PCDH15: variants seen among roughly 807,000 people sequenced by gnomAD.
The protein encoded by PCDH15 is protocadherin-15.
PCDH15 carries 129 observed loss-of-function variants against 178.5 expected under a neutral mutation model. The observed-to-expected ratio is 0.72, with a 90% CI of 0.63 to 0.84. The LOEUF (loss-of-function observed/expected upper bound fraction) is 0.84, where lower values mean the gene tolerates loss of function less well. Among genes scored for constraint, PCDH15 ranks in the 40% least tolerant of loss-of-function variants. The pLI, the probability that PCDH15 is intolerant of heterozygous loss-of-function variation, is 0.00. For synonymous variants in PCDH15, 800 were observed against 732.0 expected (o/e 1.09, Z -1.50); for missense variants, 2,230 against 2,099.9 (o/e 1.06, Z -1.21).
chr10:54,014,281 C>T (rs758086675), intron 20 of PCDH15, among the ~76,000 whole-genome samples: 3 of 152,030 alleles, frequency 2.0e-5, no homozygotes, highest in Non-Finnish European at 4.4e-5. Flanking sequence ...AAATAAAGAG[C>T]CTACCAACTA....
intron 2 of PCDH15, among the ~76,000 whole-genome samples, chr10:55,528,561 A>C (rs997970685): frequency 1.3e-5 from 2 of 152,098 alleles, no homozygotes; most frequent in African/African-American, 2.4e-5. Context: ...TGAACTCATC[A>C]TTTTTTATGG....
chr10:53,933,335 C>A (rs1310931730), intron 25 of PCDH15, among the ~76,000 whole-genome samples: 1 of 151,702 alleles, frequency 6.6e-6, no homozygotes, highest in Non-Finnish European at 1.5e-5. Flanking sequence ...TTCCCCCACC[C>A]CACAACAGTC....
intron 3 of PCDH15, among the ~76,000 whole-genome samples, chr10:54,813,098 C>T (rs1952892111): frequency 6.6e-6 from 1 of 152,170 alleles, no homozygotes; most frequent in African/African-American, 2.4e-5. Context: ...TTGCCGAACA[C>T]CATGCTCTCC....
At chr10:55,072,578 A>G (rs995254746) in intron 2 of PCDH15, among the ~76,000 whole-genome samples, 251 of 152,228 alleles carry the variant, frequency 1.6e-3, no homozygotes, top group African/African-American at 5.9e-3. Flanking sequence ...TAGACCAATA[A>G]CAGGCTCTGA....
chr10:54,803,316 T>A (rs1035142113), upstream of PCDH15, among the ~76,000 whole-genome samples: 4 of 152,196 alleles, frequency 2.6e-5, no homozygotes, highest in African/African-American at 9.6e-5. Flanking sequence ...TTTAACAAAA[T>A]ACCTATTTTT....
chr10:55,579,232 G>C (rs1414536748), intron 2 of PCDH15, among the ~76,000 whole-genome samples: 2 of 152,012 alleles, frequency 1.3e-5, no homozygotes, highest in African/African-American at 2.4e-5. Context: ...TCTCCAATTC[G>C]AAATACTTTT....
intron 2 of PCDH15, among the ~76,000 whole-genome samples, chr10:54,570,796 C>G (rs1199634390): frequency 6.6e-6 from 1 of 150,652 alleles, no homozygotes; most frequent in African/African-American, 2.4e-5. Context: ...GGGATGCAGG[C>G]ATGTGCCACC....
At chr10:54,869,783 T>C (rs1432306362) in intron 3 of PCDH15, among the ~76,000 whole-genome samples, 2 of 152,122 alleles carry the variant, frequency 1.3e-5, no homozygotes, top group African/African-American at 4.8e-5. Context: ...GTGACACTTA[T>C]AAAACAAGCA....
rs530638353 is a variant in PCDH15 at position 55,071,096 on chromosome 10, A to T, written c.-80+95480T>A. 7.2e-5 allele frequency among the ~76,000 whole-genome samples: 11 copies of T among 152,294 alleles called. No homozygotes were observed. The East Asian group carries it at 2.1e-3, about 29-fold the overall frequency. On this transcript the variant is annotated intron_variant, in intron 2 of 5. Transcript: ENST00000458638. ...CCTGCCCTAAAAGAGCTCCTGAAGGATGCACTAAACATGGAAAGGAACAAC... is the reference window on the plus strand; with the variant it reads ...CCTGCCCTAAAAGAGCTCCTGAAGGTTGCACTAAACATGGAAAGGAACAAC...
intron 2 of PCDH15, among the ~76,000 whole-genome samples, chr10:55,153,284 G>A (rs1256761838): frequency 2.6e-5 from 4 of 151,970 alleles, no homozygotes; most frequent in African/African-American, 9.7e-5. Context: ...GCCCACAGTG[G>A]CCCCCAAGAT....
At chr10:53,880,759 T>C (rs1286064704) in intron 26 of PCDH15, among the ~76,000 whole-genome samples, 1 of 152,150 alleles carries the variant, frequency 6.6e-6, no homozygotes, top group Admixed American at 6.5e-5. Context: ...CCAAACAAAA[T>C]GCCTTTAGTA....
chr10:53,811,410 T>C, intron 36 of PCDH15, 139 bp downstream of exon 36: 2 of 473,242 alleles, frequency 4.2e-6, no homozygotes, highest in South Asian at 4.8e-5. Context: ...AAGCTAGATA[T>C]ACTATTCATT....
At chr10:54,483,576 G>A (rs758270899) in intron 3 of PCDH15, among the ~76,000 whole-genome samples, 4 of 151,748 alleles carry the variant, frequency 2.6e-5, no homozygotes, top group African/African-American at 4.8e-5. Context: ...AAATAGGTCT[G>A]CGAGAAAATT....
At chr10:53,985,104 C>A (rs2091003236) in intron 21 of PCDH15, among the ~76,000 whole-genome samples, 1 of 152,102 alleles carries the variant, frequency 6.6e-6, no homozygotes, top group Non-Finnish European at 1.5e-5. Flanking sequence ...CTCACAGACC[C>A]ATAAATAAAA....
intron 2 of PCDH15, among the ~76,000 whole-genome samples, chr10:55,112,213 G>T (rs547558083): frequency 3.0e-4 from 45 of 152,086 alleles, no homozygotes; most frequent in Non-Finnish European, 5.6e-4. Flanking sequence ...TTAGGAGGGT[G>T]GGGCTTTTGA....
At chr10:54,894,056 G>T (rs1954508938) in intron 3 of PCDH15, among the ~76,000 whole-genome samples, 1 of 151,980 alleles carries the variant, frequency 6.6e-6, no homozygotes, top group Non-Finnish European at 1.5e-5. Flanking sequence ...TGAAACTTTT[G>T]CTAAGCAGGT....
rs1366146371 is a variant in PCDH15 at position 54,619,711 on chromosome 10, A to G, written c.91+44461T>C. 1.7e-4 allele frequency among the ~76,000 whole-genome samples: 26 copies of G among 152,052 alleles called. 1 individual carries two copies. Among genetic ancestry groups the G allele is most frequent in the Admixed American group, 1.7e-3 (26 of 15,222 alleles). Reference sequence around the variant, plus strand: ...ATTACTGCTATACTCCACTTCTAACAAAATTATCATCTTTAATTTTCTAGA... The same window carrying G: ...ATTACTGCTATACTCCACTTCTAACGAAATTATCATCTTTAATTTTCTAGA... On this transcript the variant is annotated intron_variant, in intron 2 of 37. Transcript: ENST00000644397.
chr10:55,450,671 C>T (rs1229478613), intron 2 of PCDH15, among the ~76,000 whole-genome samples: 1 of 152,040 alleles, frequency 6.6e-6, no homozygotes, highest in African/African-American at 2.4e-5. Context: ...AAGAAGTACA[C>T]ACTTTCTGCT....
intron 3 of PCDH15, among the ~76,000 whole-genome samples, chr10:54,882,289 TGTTA>T (rs1379416897): frequency 6.6e-6 from 1 of 152,040 alleles, no homozygotes; most frequent in Non-Finnish European, 1.5e-5. Flanking sequence ...TCATATAGCC[TGTTA>T]GAGTTTCCCA....
Sources: gnomAD v4.1 joint callset for allele counts (sites outside exome capture counted in the v4.1 genomes callset) on GRCh38, gnomAD v4.1.1 for gene constraint, MANE v1.5 for transcripts, NCBI Gene and HGNC (gene_info 2026-07-23, HGNC 2026-07-21) for gene names.